UBAP2: variants seen among roughly 807,000 people sequenced by gnomAD.
The protein encoded by UBAP2 is ubiquitin associated protein 2.
UBAP2 carries 75 observed loss-of-function variants against 139.6 expected under a neutral mutation model. That is an observed-to-expected ratio of 0.54 (90% CI 0.45 to 0.65). The LOEUF (loss-of-function observed/expected upper bound fraction) is 0.65, where lower values mean the gene tolerates loss of function less well. UBAP2 is among the 30% of genes least tolerant of loss of function. The pLI is 0.00. For synonymous variants in UBAP2, 526 were observed against 526.2 expected, an observed-to-expected ratio of 1.00 and a Z score of 0.01; for missense variants, 1,368 against 1,369.6, an observed-to-expected ratio of 1.00 and a Z score of 0.02.
At chr9:34,017,528 T>A (rs779010270) in intron 1 of UBAP2, among the ~76,000 whole-genome samples, 2 of 152,192 alleles carry the variant, frequency 1.3e-5, no homozygotes, top group East Asian at 3.8e-4. Flanking sequence ...CAAAACAACA[T>A]TGCACCCAGC....
intron 10 of UBAP2, among the ~76,000 whole-genome samples, chr9:33,959,621 T>A (rs1416690378): frequency 6.6e-6 from 1 of 152,158 alleles, no homozygotes; most frequent in Non-Finnish European, 1.5e-5. Flanking sequence ...CCAAAAAAAA[T>A]ACTATGCTGA....
chr9:34,044,936 T>G (rs1739819592), intron 1 of UBAP2, among the ~76,000 whole-genome samples: 1 of 152,206 alleles, frequency 6.6e-6, no homozygotes, highest in African/African-American at 2.4e-5. Context: ...CTCCTTAATG[T>G]GAGCCCTATT....
At chr9:34,033,294 G>C (rs547791252) in intron 1 of UBAP2, among the ~76,000 whole-genome samples, 2 of 152,158 alleles carry the variant, frequency 1.3e-5, no homozygotes, top group Non-Finnish European at 2.9e-5. Context: ...AAAAGAATGA[G>C]ATCCTGTCAT....
chr9:34,001,827 T>C (rs1822727867), intron 2 of UBAP2, among the ~76,000 whole-genome samples: 1 of 152,170 alleles, frequency 6.6e-6, no homozygotes, highest in African/African-American at 2.4e-5. Context: ...CAAGCACCAC[T>C]GATGCTCATC....
Position 34,014,618 on chromosome 9 carries a change from G to A in UBAP2, c.99+2432C>T, listed in dbSNP as rs532008634. 2.0e-5 allele frequency among the ~76,000 whole-genome samples: 3 copies of A among 151,734 alleles called. No homozygotes were observed. In the South Asian group the frequency reaches 6.2e-4, roughly 32 times the overall value. ...CACTCCAGCCTGGGCGACAGAAGGA[G>A]ACTCCATCTCGAAGAAACAAAAAAA... On this transcript the variant is annotated intron_variant, in intron 2 of 28. Coordinates refer to ENST00000379238, the MANE Select transcript of UBAP2 (RefSeq NM_001370062.2).
Position 33,923,856 on chromosome 9 carries a change from T to C in UBAP2, c.2735A>G (p.Tyr912Cys). Residue 912 changes from tyrosine (Y) to cysteine (C), a missense_variant, in exon 24 of 29, where the codon TAC becomes TGC. Physicochemically the swap from Tyr to Cys is radical, Grantham distance 194 (BLOSUM62 -2). Coordinates refer to ENST00000379238, the MANE Select transcript of UBAP2 (RefSeq NM_001370062.2). The part of the protein sequence containing the change: ...VNPALPPGYS[Y>C]TGLPYYTGMP... ...GCCTGTGTAGTAGGGAAGACCAGTG[T>C]AGCTATAGCCAGGTGGCAGTGCAGG... is the stretch of plus-strand genomic sequence containing the variant. 5 of 1,614,156 alleles carry C rather than the reference T, an allele frequency of 3.1e-6. No individual in the cohort carries two copies. Among genetic ancestry groups the C allele is most frequent in the Non-Finnish European group, 4.2e-6 (5 of 1,180,014 alleles).
intron 8 of UBAP2, chr9:33,968,395 G>T: frequency 1.8e-6 from 1 of 568,072 alleles, no homozygotes; most frequent in African/African-American, 1.9e-5. Flanking sequence ...TGGTGATGAG[G>T]AAGCAAGACA....
intron 10 of UBAP2, among the ~76,000 whole-genome samples, chr9:33,958,555 C>T (rs1162308482): frequency 6.6e-6 from 1 of 151,654 alleles, no homozygotes; most frequent in South Asian, 2.1e-4. Context: ...TTACAGGTGC[C>T]CACCATCCCA....
intron 19 of UBAP2, among the ~76,000 whole-genome samples, chr9:33,931,603 G>GACACACA (rs1823987374): frequency 6.6e-6 from 1 of 152,206 alleles, no homozygotes; most frequent in African/African-American, 2.4e-5. Flanking sequence ...CTTTGAAAGT[G>GACACACA]GCAGTTTGTG....
At chr9:33,989,932 T>C (rs1587621612) in intron 4 of UBAP2, among the ~76,000 whole-genome samples, 1 of 152,194 alleles carries the variant, frequency 6.6e-6, no homozygotes, top group East Asian at 1.9e-4. Context: ...TGGTGGGTTT[T>C]TAAAAAATTT....
chr9:34,045,171 C>T (rs113580742), intron 1 of UBAP2, among the ~76,000 whole-genome samples: 1,765 of 151,670 alleles, frequency 0.012, 35 homozygotes, highest in African/African-American at 0.04. Context: ...ACTGTGAAAC[C>T]CCGTCTCTAA....
chr9:33,944,467 C>A lies in UBAP2; in HGVS notation c.1443G>T (p.Leu481Phe), dbSNP rs144078066. The A allele has an allele frequency of 2.7e-5, 43 of 1,614,080 alleles. No homozygotes were observed. In the African/African-American group the frequency reaches 4.7e-4, roughly 18 times the overall value. The change falls in exon 14 of 29, where the codon TTG (leucine) becomes TTT (phenylalanine). Residue 481 changes from leucine to phenylalanine, a missense_variant. Coordinates refer to ENST00000379238, the MANE Select transcript of UBAP2 (RefSeq NM_001370062.2). ...TTTCAATGGTCGTGCTGGGAAGCTGCAAAAGCTTGTTCACAGTGGAGGGAC... is the reference window on the plus strand; with the variant it reads ...TTTCAATGGTCGTGCTGGGAAGCTGAAAAAGCTTGTTCACAGTGGAGGGAC... The part of the protein sequence containing the change: ...GDSPSTVNKL[L>F]QLPSTTIENI...
intron 2 of UBAP2, among the ~76,000 whole-genome samples, chr9:34,016,072 T>C (rs1359015380): frequency 6.6e-6 from 1 of 151,726 alleles, no homozygotes; most frequent in East Asian, 1.9e-4. Context: ...AGGACACACT[T>C]AAATTAATAG....
intron 12 of UBAP2, among the ~76,000 whole-genome samples, chr9:33,949,717 G>GCGCACGCACGCGCACACA (rs1825943603): frequency 6.6e-6 from 1 of 152,038 alleles, no homozygotes; most frequent in African/African-American, 2.4e-5. Context: ...GTGTGTGTGC[G>GCGCACGCACGCGCACACA]CGCATGCACG....
intron 1 of UBAP2, among the ~76,000 whole-genome samples, chr9:34,023,076 A>T (rs1028843713): frequency 6.4e-4 from 97 of 152,162 alleles, no homozygotes; most frequent in African/African-American, 2.2e-3. Flanking sequence ...AATACAAAAA[A>T]TTAGCCAGGC....
intron 19 of UBAP2, among the ~76,000 whole-genome samples, chr9:33,931,457 A>G (rs1283692956): frequency 6.6e-6 from 1 of 152,082 alleles, no homozygotes; most frequent in East Asian, 1.9e-4. Flanking sequence ...GTGCAGGAGC[A>G]CTGGGCTCCC....
intron 1 of UBAP2, among the ~76,000 whole-genome samples, chr9:34,045,498 G>C (rs940988032): frequency 3.9e-5 from 6 of 151,924 alleles, no homozygotes; most frequent in Non-Finnish European, 7.4e-5. Context: ...CTCAGCCTCT[G>C]GAGCAGCTGG....
In UBAP2 at chr9:33,922,174, TG is replaced by T; in HGVS notation, c.*329del. On this transcript the variant is annotated 3_prime_UTR_variant, in exon 29 of 29. Coordinates refer to ENST00000379238, the MANE Select transcript of UBAP2 (RefSeq NM_001370062.2). Reference sequence around the variant, plus strand: ...CCAGAGACTGCCCCTAGTGGCCCACTGGGCAGTGCAGGCTGTGAAGAAGACC... The same window carrying T: ...CCAGAGACTGCCCCTAGTGGCCCACTGGCAGTGCAGGCTGTGAAGAAGACC... The T allele has an allele frequency of 3.3e-6, 1 of 299,718 alleles. No homozygotes were observed. The highest frequency in any genetic ancestry group is 6.3e-6 in the Non-Finnish European group (1 of 158,276). 18.6% of individuals were successfully genotyped at this position (299,718 alleles called of 1,614,324 possible).
chr9:34,012,823 C>T (rs1823874760), intron 2 of UBAP2, among the ~76,000 whole-genome samples: 1 of 149,300 alleles, frequency 6.7e-6, no homozygotes, highest in South Asian at 2.1e-4. Context: ...GCAACTTTTC[C>T]GTAAATCTCA....
Sources: allele counts gnomAD v4.1 joint callset (sites outside exome capture counted in the v4.1 genomes callset), GRCh38; gene constraint gnomAD v4.1.1; transcripts MANE v1.5; gene names NCBI Gene and HGNC (gene_info 2026-07-23, HGNC 2026-07-21).